Variants in ZFHX3 observed in about 807,000 individuals in gnomAD.
The protein encoded by ZFHX3 is zinc finger homeobox 3.
Under a neutral mutation model 279.1 loss-of-function variants are expected in ZFHX3, and 42 were observed. The ratio of observed to expected loss-of-function variants is 0.15; its 90% CI spans 0.12 to 0.19. The LOEUF is 0.19. Among genes scored for constraint, ZFHX3 ranks in the 10% least tolerant of loss-of-function variants. The probability of loss-of-function intolerance (pLI) is 1.00; values close to 1 mark genes in which losing one functional copy is unlikely to be tolerated. For synonymous variants in ZFHX3, 2,293 were observed against 1,957.8 expected (o/e 1.17, Z -4.52); for missense variants, 4,981 against 4,754.0 (o/e 1.05, Z -1.40).
chr16:72,882,812 G>A (rs192373499), intron 4 of ZFHX3, among the ~76,000 whole-genome samples: 8 of 152,096 alleles, frequency 5.3e-5, no homozygotes, highest in East Asian at 3.9e-4. Flanking sequence ...GCCTGGTATC[G>A]ACGTAATTTC....
At chr16:73,377,384 C>T (rs1296413887) in intron 3 of ZFHX3, among the ~76,000 whole-genome samples, 1 of 152,104 alleles carries the variant, frequency 6.6e-6, no homozygotes, top group Non-Finnish European at 1.5e-5. Flanking sequence ...TTAAGACTTA[C>T]CATAAAGCCA....
intron 5 of ZFHX3, among the ~76,000 whole-genome samples, chr16:73,221,043 G>T (rs1215712201): frequency 1.3e-5 from 2 of 152,152 alleles, no homozygotes; most frequent in African/African-American, 4.8e-5. Context: ...TTGATCTCTA[G>T]GGGCATTGCG....
chr16:72,915,890 C>T (rs540708100), intron 3 of ZFHX3, among the ~76,000 whole-genome samples: 3 of 152,330 alleles, frequency 2.0e-5, no homozygotes, highest in Admixed American at 1.3e-4. Context: ...ACAGTTCCAA[C>T]GCCCATTCTA....
intron 5 of ZFHX3, among the ~76,000 whole-genome samples, chr16:73,160,399 T>G (rs1176241930): frequency 6.6e-6 from 1 of 152,234 alleles, no homozygotes; most frequent in Non-Finnish European, 1.5e-5. Context: ...TCTAGCATGT[T>G]GATGACCTTC....
intron 4 of ZFHX3, among the ~76,000 whole-genome samples, chr16:72,868,384 C>A (rs2038075882): frequency 6.6e-6 from 1 of 152,230 alleles, no homozygotes; most frequent in Non-Finnish European, 1.5e-5. Flanking sequence ...CCATTTCTCC[C>A]AGGTGGAACC....
At chr16:73,197,115 A>G (rs1023000491) in intron 5 of ZFHX3, among the ~76,000 whole-genome samples, 7 of 152,138 alleles carry the variant, frequency 4.6e-5, no homozygotes, top group African/African-American at 1.7e-4. Context: ...TTCAACTTTA[A>G]TGCATTTTTC....
At chr16:72,866,292 T>C (rs1385841104) in intron 4 of ZFHX3, among the ~76,000 whole-genome samples, 2 of 152,230 alleles carry the variant, frequency 1.3e-5, no homozygotes, top group African/African-American at 2.4e-5. Context: ...TGACACTTTA[T>C]GTACATTCCC....
intron 1 of ZFHX3, among the ~76,000 whole-genome samples, chr16:73,756,983 C>T (rs1250170629): frequency 2.0e-5 from 3 of 152,066 alleles, no homozygotes; most frequent in Non-Finnish European, 2.9e-5. Flanking sequence ...TAAATCCAAT[C>T]GTAAGAGTGC....
intron 1 of ZFHX3, among the ~76,000 whole-genome samples, chr16:73,850,509 C>T (rs1183447383): frequency 6.6e-6 from 1 of 152,108 alleles, no homozygotes; most frequent in Non-Finnish European, 1.5e-5. Flanking sequence ...TGAATGAGAA[C>T]TCTCGGGGAA....
chr16:72,993,087 G>T (rs1324085012), intron 1 of ZFHX3, among the ~76,000 whole-genome samples: 1 of 152,246 alleles, frequency 6.6e-6, no homozygotes. Flanking sequence ...GGTGAGCCGA[G>T]ATCGCACCAC....
intron 7 of ZFHX3, among the ~76,000 whole-genome samples, chr16:73,106,448 C>G (rs1447324190): frequency 2.0e-5 from 3 of 152,062 alleles, no homozygotes; most frequent in Non-Finnish European, 2.9e-5. Context: ...AACTCTCCCT[C>G]TCTAAGGGTG....
Position 72,797,822 on chromosome 16 carries a change from A to G in ZFHX3, c.4860T>C (p.His1620=), listed in dbSNP as rs550293323. 2 of 1,613,920 alleles carry G rather than the reference A, an allele frequency of 1.2e-6. No individual in the cohort carries two copies. The highest frequency in any genetic ancestry group is 1.3e-5 in the African/African-American group (1 of 74,884). The stretch of plus-strand genomic sequence containing the variant: ...GCTTGGCTGCCCGGGCCTTGGTTTG[A>G]TGTAACACAGACCTCATATGGATCT... ...TLEIHMRSVL[H]QTKARAAKLE... is the part of the protein sequence containing the mutation. The change falls in exon 9 of 10, where the codon CAT becomes CAC. Residue 1620 remains histidine (H), a synonymous_variant. Transcript: ENST00000268489.
intron 5 of ZFHX3, among the ~76,000 whole-genome samples, chr16:73,203,034 C>T (rs1028713698): frequency 4.6e-5 from 7 of 151,520 alleles, no homozygotes; most frequent in Non-Finnish European, 1.0e-4. Flanking sequence ...AGCATCACCT[C>T]CTCCTGGAAG....
intron 1 of ZFHX3, among the ~76,000 whole-genome samples, chr16:73,787,817 G>C (rs2142311128): frequency 2.6e-5 from 2 of 76,294 alleles, no homozygotes; most frequent in South Asian, 1.0e-3. Flanking sequence ...TTCTTAAAGT[G>C]TGTGTGTGTG....
chr16:73,123,284 C>G (rs1360779104), intron 7 of ZFHX3: 3 of 148,256 alleles, frequency 2.0e-5, no homozygotes, highest in South Asian at 4.6e-4. Flanking sequence ...GCCCTTGAAT[C>G]TGGGTTATAC....
chr16:72,814,361 CA>C (rs1474090698), intron 5 of ZFHX3, among the ~76,000 whole-genome samples: 2 of 152,164 alleles, frequency 1.3e-5, no homozygotes, highest in African/African-American at 4.8e-5. Context: ...TGGAATGAGT[CA>C]ATTGTGCACT....
intron 5 of ZFHX3, chr16:73,143,907 A>G: frequency 2.0e-6 from 1 of 512,036 alleles, no homozygotes; most frequent in Non-Finnish European, 3.4e-6. Flanking sequence ...GTGGCTAATG[A>G]ATGATTCTCC....
chr16:73,743,687 G>A (rs988023223), intron 1 of ZFHX3, among the ~76,000 whole-genome samples: 6 of 152,048 alleles, frequency 3.9e-5, no homozygotes, highest in African/African-American at 1.4e-4. Context: ...AAGAGGTACC[G>A]TATTTGTTAT....
chr16:73,555,867 C>T (rs2020274330), intron 2 of ZFHX3, among the ~76,000 whole-genome samples: 1 of 151,544 alleles, frequency 6.6e-6, no homozygotes, highest in Non-Finnish European at 1.5e-5. Flanking sequence ...GATGCAGTTA[C>T]GAGGTAAACA....
Sources: allele counts gnomAD v4.1 joint callset (sites outside exome capture counted in the v4.1 genomes callset), GRCh38; gene constraint gnomAD v4.1.1; transcripts MANE v1.5; gene names NCBI Gene and HGNC (gene_info 2026-07-23, HGNC 2026-07-21).